Variants in PLEKHG1 observed in about 807,000 individuals in gnomAD.
PLEKHG1 encodes pleckstrin homology and RhoGEF domain containing G1, also known as pleckstrin homology domain-containing family G member 1.
A neutral mutation model predicts 100.8 loss-of-function variants in PLEKHG1; 44 were observed. The observed-to-expected ratio is 0.44, with a 90% confidence interval of 0.34 to 0.56. The LOEUF (loss-of-function observed/expected upper bound fraction) is 0.56, where lower values mean the gene tolerates loss of function less well. Among genes scored for constraint, PLEKHG1 ranks in the 20% least tolerant of loss-of-function variants. The pLI, the probability that PLEKHG1 is intolerant of heterozygous loss-of-function variation, is 0.01. For synonymous variants in PLEKHG1, 640 were observed against 662.5 expected, an observed-to-expected ratio of 0.97 and a Z score of 0.52; for missense variants, 1,545 against 1,720.9, an observed-to-expected ratio of 0.90 and a Z score of 1.81.
At chr6:150,632,312 C>T (rs1253824677) in intron 1 of PLEKHG1, among the ~76,000 whole-genome samples, 2 of 152,180 alleles carry the variant, frequency 1.3e-5, no homozygotes, top group Admixed American at 1.3e-4. Context: ...CTTTTTTTAA[C>T]AGTAGGGAGT....
intron 3 of PLEKHG1, among the ~76,000 whole-genome samples, chr6:150,785,033 TAA>T (rs35123545): frequency 6.6e-5 from 9 of 136,210 alleles, no homozygotes; most frequent in Non-Finnish European, 6.4e-5. Context: ...TCTCTAAAAT[TAA>T]AAAAAAAAAA....
At chr6:150,655,739 G>A (rs934829722) in intron 3 of PLEKHG1, among the ~76,000 whole-genome samples, 13 of 147,532 alleles carry the variant, frequency 8.8e-5, no homozygotes, top group Admixed American at 8.1e-4. Context: ...AAGAAAATGT[G>A]ACAAATATAC....
chr6:150,754,459 A>T (rs1269436055), intron 2 of PLEKHG1, among the ~76,000 whole-genome samples: 1 of 152,092 alleles, frequency 6.6e-6, no homozygotes, highest in Non-Finnish European at 1.5e-5. Context: ...GTTGTGGGGA[A>T]TCAGACCCAC....
intron 2 of PLEKHG1, among the ~76,000 whole-genome samples, chr6:150,641,841 G>A (rs1392102169): frequency 9.4e-6 from 1 of 105,906 alleles, no homozygotes; most frequent in Admixed American, 1.4e-4. Context: ...AAACCAATAT[G>A]TCAAAGCCTG....
intron 2 of PLEKHG1, among the ~76,000 whole-genome samples, chr6:150,740,102 C>A (rs1254461537): frequency 2.6e-5 from 4 of 152,238 alleles, no homozygotes; most frequent in Non-Finnish European, 5.9e-5. Context: ...AGAGCTTGTG[C>A]AGTGATTTCA....
chr6:150,625,321 C>T lies in PLEKHG1; in HGVS notation c.-203-12759C>T, dbSNP rs116306393. On this transcript the variant is annotated intron_variant, in intron 1 of 3. Coordinates refer to the PLEKHG1 transcript ENST00000367326. ...GAAGGTGTTAGCAGGGTTGTTTCTT[C>T]GCAGGGTTGTTTCTTCTGAGGCCTC... Among the ~76,000 whole-genome samples, 911 of 152,114 alleles carry T rather than the reference C, an allele frequency of 6.0e-3. 8 individuals are homozygous for T. The highest frequency in any genetic ancestry group is 0.021 in the African/African-American group (872 of 41,484).
At chr6:150,716,390 A>G (rs963593430), upstream of PLEKHG1, among the ~76,000 whole-genome samples, 1 of 152,228 alleles carries the variant, frequency 6.6e-6, no homozygotes, top group Admixed American at 6.5e-5. Context: ...ACCTTTGCAT[A>G]TGAAAGTCTA....
At chr6:150,805,771 C>T (rs1202392944) in intron 7 of PLEKHG1, among the ~76,000 whole-genome samples, 1 of 152,144 alleles carries the variant, frequency 6.6e-6, no homozygotes, top group Non-Finnish European at 1.5e-5. Flanking sequence ...TGGTGATCCA[C>T]CTGCCTCAGC....
intron 3 of PLEKHG1, among the ~76,000 whole-genome samples, chr6:150,675,627 C>CTGGA (rs1161265249): frequency 1.3e-5 from 2 of 152,202 alleles, no homozygotes; most frequent in Non-Finnish European, 2.9e-5. Context: ...GTCACCCAGG[C>CTGGA]TGGAGTGCAG....
At position 150,600,532 on chromosome 6, in the gene PLEKHG1, G is replaced by T. The variant is rs1461343654; in HGVS notation, c.-204+515G>T. On this transcript the variant is annotated intron_variant, in intron 1 of 3. Transcript: ENST00000367326. The surrounding 1 kb of genome is among the most constrained non-coding windows in gnomAD (Gnocchi z 6.2). The stretch of plus-strand genomic sequence containing the variant: ...GAGCCCGAGGACCCGGGGACGCGCG[G>T]TGGGGGCGGCGGCCGAGCTGCTGCG... Among the ~76,000 whole-genome samples the T allele has an allele frequency of 6.6e-6, 1 of 152,242 alleles. No homozygotes were observed. Among genetic ancestry groups the T allele is most frequent in the Non-Finnish European group, 1.5e-5 (1 of 68,040 alleles).
chr6:150,703,982 T>C (rs150710314), intron 3 of PLEKHG1, among the ~76,000 whole-genome samples: 33 of 152,358 alleles, frequency 2.2e-4, no homozygotes, highest in African/African-American at 7.7e-4. Context: ...CAGTTTGACA[T>C]AGTAGAGCCT....
rs528859240 is a variant in PLEKHG1, at chr6:150,808,929, A to T, written c.913-176A>T. Among the ~76,000 whole-genome samples, 5 of 152,320 alleles carry T rather than the reference A, an allele frequency of 3.3e-5. No homozygotes were observed. In the East Asian group the frequency reaches 9.6e-4, roughly 29 times the overall value. On this transcript the variant is annotated intron_variant, in intron 7 of 15. Transcript: ENST00000358517. ...GCCTGATTCATTGCTGTTAACCCTT[A>T]AGTGGCACCACTTGTAAATGCAGAT...
At chr6:150,686,661 C>T (rs1780141778) in intron 3 of PLEKHG1, 1 of 152,150 alleles carries the variant, frequency 6.6e-6, no homozygotes, top group Non-Finnish European at 1.5e-5. Context: ...TTTCTCTTGT[C>T]TCACCTCCCA....
intron 3 of PLEKHG1, among the ~76,000 whole-genome samples, chr6:150,671,279 G>A (rs1173718480): frequency 4.6e-5 from 7 of 152,132 alleles, no homozygotes; most frequent in East Asian, 1.9e-4. Context: ...GGATCACATG[G>A]TAGATCTACT....
At chr6:150,608,028 C>T (rs1776674255) in intron 1 of PLEKHG1, among the ~76,000 whole-genome samples, 1 of 152,118 alleles carries the variant, frequency 6.6e-6, no homozygotes, top group Non-Finnish European at 1.5e-5. Flanking sequence ...AACATCATTT[C>T]ATCACAATAC....
chr6:150,607,149 G>A (rs889688080), intron 1 of PLEKHG1, among the ~76,000 whole-genome samples: 7 of 152,186 alleles, frequency 4.6e-5, no homozygotes, highest in Non-Finnish European at 1.0e-4. Context: ...CAAAGGAGAA[G>A]TCATTTGTAA....
In PLEKHG1 at chr6:150,700,043, T is replaced by C. The variant is rs575477163; in HGVS notation, c.-98-33541T>C. ...GACAGTGGGTTCCTATTGCTTCAAA[T>C]TGGTTTTGCGCTGGGGAAGATGGAG... On this transcript the variant is annotated intron_variant, in intron 3 of 3. Coordinates refer to the PLEKHG1 transcript ENST00000367326. Among the ~76,000 whole-genome samples the C allele has an allele frequency of 4.6e-5, 7 of 152,232 alleles. No individual in the cohort carries two copies. The East Asian group carries it at 9.7e-4, about 21-fold the overall frequency.
chr6:150,827,551 C>G (rs1776682950), intron 14 of PLEKHG1: 1 of 610,236 alleles, frequency 1.6e-6, no homozygotes, highest in Admixed American at 2.4e-5. Context: ...GCTGGGATTA[C>G]AGGCGTGAGC....
chr6:150,815,934 T>C (rs1036332124), intron 10 of PLEKHG1, among the ~76,000 whole-genome samples: 1 of 152,194 alleles, frequency 6.6e-6, no homozygotes, highest in Non-Finnish European at 1.5e-5. Context: ...AGATAATTTT[T>C]CCACGGATGG....
Sources: gnomAD v4.1 joint callset for allele counts (sites outside exome capture counted in the v4.1 genomes callset) on GRCh38, gnomAD v4.1.1 for gene constraint, Gnocchi (gnomAD v3.1) non-coding constraint, MANE v1.5 for transcripts, NCBI Gene and HGNC (gene_info 2026-07-23, HGNC 2026-07-21) for gene names.